ATG3: variants seen among roughly 807,000 people sequenced by gnomAD.
ATG3 encodes the protein autophagy related 3, also known as ubiquitin-like-conjugating enzyme ATG3.
In ATG3, 25 loss-of-function variants were observed where a neutral mutation model predicts 50.7. That is an observed-to-expected ratio of 0.49 (90% CI 0.36 to 0.69). ATG3 has a LOEUF of 0.69. Ranked by LOEUF, ATG3 falls within the 30% of genes least tolerant of loss-of-function variation. ATG3 has a pLI of 0.00. For missense variants in ATG3, 281 were observed against 376.0 expected (o/e 0.75, Z 2.09); for synonymous variants, 119 against 125.5 (o/e 0.95, Z 0.34).
intron 2 of ATG3, among the ~76,000 whole-genome samples, chr3:112,557,519 G>A (rs1046946567): frequency 3.9e-5 from 6 of 152,194 alleles, no homozygotes; most frequent in Admixed American, 2.0e-4. Flanking sequence ...TTGGGAGGCT[G>A]AGGCAGGAGA....
intron 5 of ATG3, among the ~76,000 whole-genome samples, chr3:112,547,690 C>A (rs1382755959): frequency 6.6e-6 from 1 of 152,232 alleles, no homozygotes; most frequent in African/African-American, 2.4e-5. Context: ...GCATTCAACT[C>A]ATTTAACAAA....
chr3:112,547,297 C>G (rs1160760066), intron 5 of ATG3, among the ~76,000 whole-genome samples: 1 of 152,150 alleles, frequency 6.6e-6, no homozygotes, highest in African/African-American at 2.4e-5. Flanking sequence ...TCTATTACTA[C>G]TAAGGATATA....
intron 5 of ATG3, among the ~76,000 whole-genome samples, chr3:112,544,514 C>T (rs563922652): frequency 1.3e-5 from 2 of 151,964 alleles, no homozygotes; most frequent in East Asian, 1.9e-4. Flanking sequence ...GTTAGCTCAG[C>T]GTGGTGGCGT....
intron 3 of ATG3, among the ~76,000 whole-genome samples, chr3:112,552,680 C>T (rs574754467): frequency 1.9e-4 from 28 of 148,938 alleles, no homozygotes; most frequent in African/African-American, 6.7e-4. Context: ...GGGAGCCTCT[C>T]ACTCTGTTGC....
intron 11 of ATG3, chr3:112,533,823 T>C: frequency 4.1e-6 from 4 of 986,470 alleles, no homozygotes; most frequent in Non-Finnish European, 4.8e-6. Flanking sequence ...GAACGTACTA[T>C]ATTTTAAGAA....
In ATG3 at chr3:112,541,829, T is replaced by C. The variant is rs768616191; in HGVS notation, c.449A>G (p.Asp150Gly). ...TTCCATATCTGCAGCTTCTCCTTCA[T>C]CTTCATCTTCTTCCTCTTCACATAG... ...SALCEEEEDE[D>G]EGEAADMEEY... Residue 150 changes from aspartate (D) to glycine (G), a missense_variant, in exon 7 of 12, where the codon GAT (aspartate) becomes GGT (glycine). Asp to Gly is a moderately conservative substitution (Grantham distance 94). Coordinates refer to ENST00000283290, the MANE Select transcript of ATG3 (RefSeq NM_022488.5). 5.6e-6 allele frequency: 9 copies of C among 1,612,268 alleles called. No homozygotes were observed. Among genetic ancestry groups the C allele is most frequent in the Non-Finnish European group, 7.6e-6 (9 of 1,179,742 alleles).
At chr3:112,556,539 T>A (rs1256407805) in intron 2 of ATG3, among the ~76,000 whole-genome samples, 2 of 152,128 alleles carry the variant, frequency 1.3e-5, no homozygotes, top group Non-Finnish European at 2.9e-5. Flanking sequence ...CAACAGCTCA[T>A]TGAGAACGGG....
At chr3:112,538,534 G>C (rs561889210) in intron 7 of ATG3, among the ~76,000 whole-genome samples, 2 of 152,306 alleles carry the variant, frequency 1.3e-5, no homozygotes, top group Admixed American at 6.5e-5. Flanking sequence ...GGAACATGTG[G>C]CATGATTTAG....
At chr3:112,559,876 AT>A (rs1933797539) in intron 1 of ATG3, among the ~76,000 whole-genome samples, 1 of 152,158 alleles carries the variant, frequency 6.6e-6, no homozygotes, top group Non-Finnish European at 1.5e-5. Flanking sequence ...ATTTTTCTTA[AT>A]TTTTACTTGC....
chr3:112,548,177 C>T (rs1933421407), intron 5 of ATG3, among the ~76,000 whole-genome samples: 1 of 152,074 alleles, frequency 6.6e-6, no homozygotes, highest in Non-Finnish European at 1.5e-5. Context: ...CATGGTGAAA[C>T]CCCATCTCTA....
intron 5 of ATG3, 136 bp downstream of exon 5, chr3:112,548,394 GTCC>G (rs888427717): frequency 5.6e-6 from 4 of 714,168 alleles, no homozygotes; most frequent in African/African-American, 5.4e-5. Context: ...TTTAAAATTT[GTCC>G]TCCTGCTTTT....
In ATG3 at chr3:112,550,271, A is replaced by T. The variant is rs769582551; in HGVS notation, c.165-9T>A. ...ATTCTTCCCCTGTAGCCCTTTAAAA[A>T]CAGTGAAAAGCACCAAAATACAAAA... On this transcript the variant is annotated splice_polypyrimidine_tract_variant and intron_variant, in intron 3 of 11. Coordinates refer to ENST00000283290, the MANE Select transcript of ATG3 (RefSeq NM_022488.5). The T allele has an allele frequency of 1.3e-5, 21 of 1,605,986 alleles. No homozygotes were observed. Among genetic ancestry groups the T allele is most frequent in the Admixed American group, 1.7e-5 (1 of 59,280 alleles).
In ATG3 at chr3:112,544,137, AAAATT is replaced by A. The variant is rs754505326; in HGVS notation, c.344-36_344-32del. 3.3e-6 allele frequency: 5 copies of A among 1,534,308 alleles called. No individual in the cohort carries two copies. In the East Asian group the frequency reaches 1.1e-4, roughly 35 times the overall value. On this transcript the variant is annotated intron_variant, in intron 5 of 11. Coordinates refer to ENST00000283290, the MANE Select transcript of ATG3 (RefSeq NM_022488.5). Reference sequence around the variant, plus strand: ...TAAAATTCGGCAGAAAAGAATAACTAAAATTAAACTGTAAACACCCTATTTACTTA... The same window carrying A: ...TAAAATTCGGCAGAAAAGAATAACTAAAACTGTAAACACCCTATTTACTTA...
chr3:112,552,931 C>T (rs956620727), intron 3 of ATG3, among the ~76,000 whole-genome samples: 1 of 152,102 alleles, frequency 6.6e-6, no homozygotes, highest in Non-Finnish European at 1.5e-5. Context: ...CAGGTGTGAG[C>T]CACCGCGCCC....
Position 112,560,133 on chromosome 3 carries a change from A to G in ATG3, c.72+1324T>C, listed in dbSNP as rs182431160. Among the ~76,000 whole-genome samples, 124 of 152,360 alleles carry G rather than the reference A, an allele frequency of 8.1e-4. 2 individuals are homozygous for G. Among genetic ancestry groups the G allele is most frequent in the Admixed American group, 7.6e-3 (116 of 15,306 alleles). On this transcript the variant is annotated intron_variant, in intron 1 of 11. Transcript: ENST00000283290. ...AACATAATTCTACATCATACATTTT[A>G]TATTTCATTTGGGCAGTCTCTTGCT...
intron 9 of ATG3, 82 bp downstream of exon 9, chr3:112,537,653 T>TG: frequency 9.5e-7 from 1 of 1,056,362 alleles, no homozygotes; most frequent in South Asian, 2.1e-5. Flanking sequence ...CTGCAATAAA[T>TG]ACTCATGGAC....
chr3:112,549,013 G>A (rs1299171225), intron 4 of ATG3, among the ~76,000 whole-genome samples: 2 of 152,186 alleles, frequency 1.3e-5, no homozygotes, highest in East Asian at 3.9e-4. Context: ...TCAGAACATG[G>A]AGCTACCAGC....
intron 6 of ATG3, among the ~76,000 whole-genome samples, chr3:112,542,384 C>T (rs766341032): frequency 2.2e-4 from 33 of 152,144 alleles, no homozygotes; most frequent in Non-Finnish European, 3.8e-4. Context: ...GATATCAGTT[C>T]AATTTCTTAA....
chr3:112,561,330 T>C, intron 1 of ATG3, 127 bp downstream of exon 1: 6 of 937,324 alleles, frequency 6.4e-6, no homozygotes, highest in Non-Finnish European at 1.0e-5. Context: ...CACACTTCCC[T>C]GTGTCTCGAG....
Sources: allele counts gnomAD v4.1 joint callset (sites outside exome capture counted in the v4.1 genomes callset), GRCh38; gene constraint gnomAD v4.1.1; transcripts MANE v1.5; gene names NCBI Gene and HGNC (gene_info 2026-07-23, HGNC 2026-07-21).